Variants in COG6 observed in about 807,000 individuals in gnomAD.
COG6 encodes conserved oligomeric Golgi complex subunit 6.
Under a neutral mutation model 88.8 loss-of-function variants are expected in COG6, and 74 were observed. The observed-to-expected ratio is 0.83, with a 90% CI of 0.69 to 1.01. The LOEUF is 1.01. Ranked by LOEUF, COG6 falls within the 50% of genes least tolerant of loss-of-function variation. COG6 has a pLI of 0.00. For synonymous variants in COG6, 286 were observed against 278.7 expected, an observed-to-expected ratio of 1.03 and a Z score of -0.26; for missense variants, 800 against 797.9, an observed-to-expected ratio of 1.00 and a Z score of -0.03.
At position 39,719,261 on chromosome 13, in the gene COG6, G is replaced by C. The variant is rs952913189; in HGVS notation, c.1310G>C (p.Gly437Ala). The change falls in exon 14 of 19, where the codon GGA becomes GCA. Residue 437 changes from glycine to alanine, a missense_variant. Transcript: ENST00000455146. Reference protein sequence around the residue: ...DKVELPPPDLGPSSALNQTLM... With the variant: ...DKVELPPPDLAPSSALNQTLM... ...GTTGAACTCCCACCACCTGATCTTG[G>C]ACCAAGTTCTGCACTAAATCAGACA... 3.1e-6 allele frequency: 5 copies of C among 1,612,550 alleles called. No homozygotes were observed. Among genetic ancestry groups the C allele is most frequent in the African/African-American group, 1.3e-5 (1 of 74,832 alleles).
chr13:39,728,876 G>A (rs1879284291), intron 18 of COG6, among the ~76,000 whole-genome samples: 1 of 152,018 alleles, frequency 6.6e-6, no homozygotes, highest in South Asian at 2.1e-4. Context: ...TATTGGCCAG[G>A]CTGTTCTTGA....
intron 10 of COG6, among the ~76,000 whole-genome samples, chr13:39,688,341 A>C (rs146391167): frequency 3.7e-4 from 57 of 152,218 alleles, no homozygotes; most frequent in African/African-American, 1.3e-3. Flanking sequence ...ACCTATAAAG[A>C]GGTTTAATTT....
In COG6 at chr13:39,666,023, C is replaced by T. The variant is rs139459225; in HGVS notation, c.428+869C>T. Among the ~76,000 whole-genome samples, 216 of 152,204 alleles carry T rather than the reference C, an allele frequency of 1.4e-3. 2 individuals are homozygous for T. Among genetic ancestry groups the T allele is most frequent in the African/African-American group, 4.9e-3 (202 of 41,534 alleles). The stretch of plus-strand genomic sequence containing the variant: ...TGCTTTTACCCTACTGCAGTAGAGT[C>T]GTGTGGTTACAACAGAGACCATATG... On this transcript the variant is annotated intron_variant, in intron 4 of 18. Coordinates refer to ENST00000455146, the MANE Select transcript of COG6 (RefSeq NM_020751.3).
rs113483964 is a variant in COG6, at chr13:39,699,615, C to T, written c.1281C>T (p.Asp427=). The T allele has an allele frequency of 9.3e-6, 12 of 1,294,416 alleles. No individual in the cohort carries two copies. The highest frequency in any genetic ancestry group is 4.4e-5 in the African/African-American group (3 of 68,692). 80.2% of individuals were successfully genotyped at this position (1,294,416 alleles called of 1,614,324 possible). Residue 427 remains aspartate (D), a synonymous_variant, in exon 13 of 19, where the codon GAC becomes GAT. Transcript: ENST00000455146. ...SLSLHASKLM[D]KVELPPPDLG... is the part of the protein sequence containing the mutation. ...GTCTTCATGCAAGTAAATTAATGGA[C>T]AAGGTATGTTTGAAAAATGTAATTA...
At chr13:39,714,578 T>G (rs1878421743) in intron 13 of COG6, among the ~76,000 whole-genome samples, 1 of 152,092 alleles carries the variant, frequency 6.6e-6, no homozygotes, top group African/African-American at 2.4e-5. Flanking sequence ...AGACACCACC[T>G]TACTCTTGTA....
chr13:39,766,550 C>T (rs998509494), intron 18 of COG6, among the ~76,000 whole-genome samples: 1 of 152,144 alleles, frequency 6.6e-6, no homozygotes, highest in Non-Finnish European at 1.5e-5. Context: ...CCCTCCTAAC[C>T]CCATCCCATA....
intron 13 of COG6, among the ~76,000 whole-genome samples, chr13:39,704,160 A>G (rs1346154723): frequency 6.6e-6 from 1 of 152,188 alleles, no homozygotes; most frequent in Non-Finnish European, 1.5e-5. Flanking sequence ...TTCCCCTAAT[A>G]GTAAGTTTCT....
chr13:39,673,697 A>T (rs1461012731), intron 4 of COG6, among the ~76,000 whole-genome samples: 2 of 152,000 alleles, frequency 1.3e-5, no homozygotes, highest in Non-Finnish European at 2.9e-5. Context: ...ATGTTAATAT[A>T]AATCTATTGT....
intron 1 of COG6, among the ~76,000 whole-genome samples, chr13:39,657,085 C>A (rs2137936064): frequency 6.6e-6 from 1 of 152,250 alleles, no homozygotes; most frequent in Admixed American, 6.5e-5. Flanking sequence ...AGCTGGAGTG[C>A]AATGGGCGCA....
chr13:39,700,294 A>G (rs762897239), intron 13 of COG6, among the ~76,000 whole-genome samples: 7 of 151,816 alleles, frequency 4.6e-5, no homozygotes, highest in Non-Finnish European at 8.8e-5. Flanking sequence ...GGCTAGCTAT[A>G]TTAGGCCCAG....
chr13:39,724,111 T>C (rs957703976), intron 16 of COG6, among the ~76,000 whole-genome samples: 2 of 152,206 alleles, frequency 1.3e-5, no homozygotes, highest in South Asian at 2.1e-4. Flanking sequence ...TTCAATTCTT[T>C]CTTTGCTGAA....
At chr13:39,666,614 C>T (rs1468367665) in intron 4 of COG6, among the ~76,000 whole-genome samples, 1 of 152,100 alleles carries the variant, frequency 6.6e-6, no homozygotes, top group African/African-American at 2.4e-5. Flanking sequence ...AGCCCTTAAT[C>T]CTTCTTAACA....
intron 13 of COG6, among the ~76,000 whole-genome samples, chr13:39,706,235 T>TTATATATATATA (rs372468879): frequency 9.4e-6 from 1 of 106,452 alleles, no homozygotes; most frequent in Non-Finnish European, 2.1e-5. Flanking sequence ...ATATACTCCT[T>TTATATATATATA]TATATATATA....
chr13:39,782,433 G>A (rs1236249423), intron 18 of COG6, among the ~76,000 whole-genome samples: 1 of 152,212 alleles, frequency 6.6e-6, no homozygotes, highest in African/African-American at 2.4e-5. Flanking sequence ...CCTTGGTGGA[G>A]GTGTAGAATG....
intron 18 of COG6, among the ~76,000 whole-genome samples, chr13:39,773,919 C>A (rs1881389585): frequency 6.8e-6 from 1 of 146,424 alleles, no homozygotes; most frequent in Non-Finnish European, 1.5e-5. Context: ...CCAAAATAAA[C>A]CTAGAAATTA....
Position 39,699,591 on chromosome 13 carries a change from T to G in COG6, c.1257T>G (p.Ser419Arg). Residue 419 changes from serine (S) to arginine (R), a missense_variant, in exon 13 of 19, where the codon AGT (serine) becomes AGG (arginine). By Grantham distance (110) the Ser-to-Arg change is moderately radical. Transcript: ENST00000455146. ...AAAAAATATTCTTCAATAGCTTGAGTCTTCATGCAAGTAAATTAATGGACA... is the reference window on the plus strand; with the variant it reads ...AAAAAATATTCTTCAATAGCTTGAGGCTTCATGCAAGTAAATTAATGGACA... ...LSKKIFFNSL[S>R]LHASKLMDKV... 1 of 1,527,196 alleles carries G rather than the reference T, an allele frequency of 6.5e-7. No individual in the cohort carries two copies. Among genetic ancestry groups the G allele is most frequent in the Non-Finnish European group, 9.1e-7 (1 of 1,101,788 alleles). The allele number at this position is 1,527,196 out of a possible 1,614,324, so 94.6% of individuals were successfully genotyped here.
At chr13:39,690,224 A>G (rs1876905937) in intron 11 of COG6, among the ~76,000 whole-genome samples, 1 of 152,082 alleles carries the variant, frequency 6.6e-6, no homozygotes, top group Admixed American at 6.5e-5. Flanking sequence ...ATAATGATTA[A>G]TCCAAGGATA....
intron 11 of COG6, 149 bp from the exon 12 acceptor site, chr13:39,694,485 C>CT: frequency 1.9e-6 from 1 of 540,252 alleles, no homozygotes; most frequent in Non-Finnish European, 3.4e-6. Flanking sequence ...TCTTCTATGA[C>CT]TTACTACTCA....
chr13:39,666,836 AAATAT>A (rs1566170817), intron 4 of COG6, among the ~76,000 whole-genome samples: 1 of 152,238 alleles, frequency 6.6e-6, no homozygotes, highest in Admixed American at 6.5e-5. Context: ...TAGCAAAATA[AAATAT>A]ATGTACCAAT....
Sources: allele counts gnomAD v4.1 joint callset (sites outside exome capture counted in the v4.1 genomes callset), GRCh38; gene constraint gnomAD v4.1.1; transcripts MANE v1.5; gene names NCBI Gene and HGNC (gene_info 2026-07-23, HGNC 2026-07-21).